TRAPPC9: variants seen among roughly 807,000 people sequenced by gnomAD.
TRAPPC9 encodes trafficking protein particle complex subunit 9.
A neutral mutation model predicts 124.0 loss-of-function variants in TRAPPC9; 83 were observed. The observed-to-expected ratio is 0.67, with a 90% CI of 0.56 to 0.80. TRAPPC9 has a LOEUF of 0.80. Ranked by LOEUF, TRAPPC9 falls within the 30% of genes least tolerant of loss-of-function variation. The pLI, the probability that TRAPPC9 is intolerant of heterozygous loss-of-function variation, is 0.00. For synonymous variants in TRAPPC9, 638 were observed against 617.5 expected, an observed-to-expected ratio of 1.03 and a Z score of -0.49; for missense variants, 1,302 against 1,508.3, an observed-to-expected ratio of 0.86 and a Z score of 2.27.
chr8:140,217,115 T>C (rs1335023754), intron 17 of TRAPPC9, among the ~76,000 whole-genome samples: 1 of 152,086 alleles, frequency 6.6e-6, no homozygotes, highest in Non-Finnish European at 1.5e-5. Context: ...TGGAGCACAA[T>C]ATACGTTGTG....
chr8:139,838,662 G>A (rs542421513), intron 21 of TRAPPC9, among the ~76,000 whole-genome samples: 3 of 122,256 alleles, frequency 2.5e-5, no homozygotes, highest in Non-Finnish European at 3.7e-5. Flanking sequence ...CTGTGATGAC[G>A]GGTGGGTGGC....
At chr8:139,834,880 G>A (rs908579589) in intron 21 of TRAPPC9, among the ~76,000 whole-genome samples, 8 of 152,184 alleles carry the variant, frequency 5.3e-5, no homozygotes, top group Non-Finnish European at 1.2e-4. Context: ...GTTGCTGGGA[G>A]CCAGCTCTCC....
At chr8:140,219,659 T>C (rs1479952973) in intron 17 of TRAPPC9, among the ~76,000 whole-genome samples, 1 of 152,162 alleles carries the variant, frequency 6.6e-6, no homozygotes, top group African/African-American at 2.4e-5. Flanking sequence ...TCGTGTGGCT[T>C]CCTGCTGTCA....
intron 21 of TRAPPC9, among the ~76,000 whole-genome samples, chr8:139,745,294 A>G (rs894869695): frequency 2.0e-5 from 3 of 152,242 alleles, no homozygotes; most frequent in Non-Finnish European, 4.4e-5. Context: ...CCCCTTCGGA[A>G]GCCAGAGCTT....
intron 15 of TRAPPC9, among the ~76,000 whole-genome samples, chr8:140,271,115 G>A (rs943749823): frequency 6.6e-6 from 1 of 152,198 alleles, no homozygotes; most frequent in Non-Finnish European, 1.5e-5. Context: ...GTAATTTTCT[G>A]TAATTCAATA....
At chr8:140,161,962 T>C (rs1324988737) in intron 17 of TRAPPC9, among the ~76,000 whole-genome samples, 1 of 151,926 alleles carries the variant, frequency 6.6e-6, no homozygotes, top group East Asian at 1.9e-4. Context: ...CAAGCCCGAG[T>C]GTCCGGCAGA....
At chr8:140,429,229 G>A (rs577226639) in intron 4 of TRAPPC9, among the ~76,000 whole-genome samples, 2 of 151,930 alleles carry the variant, frequency 1.3e-5, no homozygotes, top group South Asian at 2.1e-4. Context: ...CTACAGGTGC[G>A]CACCACCACG....
intron 17 of TRAPPC9, among the ~76,000 whole-genome samples, chr8:140,167,140 G>A (rs1190598906): frequency 9.5e-6 from 1 of 105,804 alleles, no homozygotes; most frequent in African/African-American, 3.2e-5. Flanking sequence ...ACAGTTCATA[G>A]CTTTCAAAAA....
In TRAPPC9 at chr8:139,907,143, T is replaced by C. The variant is rs1831412530; in HGVS notation, c.2964+3004A>G. ...CCTAAGAACAAGCAAATCTGTACCATATTTGTCATTAACAGGTGAAGAGTG... is the reference window on the plus strand; with the variant it reads ...CCTAAGAACAAGCAAATCTGTACCACATTTGTCATTAACAGGTGAAGAGTG... On this transcript the variant is annotated intron_variant, in intron 20 of 22. Transcript: ENST00000438773. The surrounding 1 kb of genome is among the most constrained non-coding windows in gnomAD (Gnocchi z 4.7). Among the ~76,000 whole-genome samples the C allele has an allele frequency of 6.6e-6, 1 of 152,136 alleles. No homozygotes were observed. The highest frequency in any genetic ancestry group is 1.5e-5 in the Non-Finnish European group (1 of 68,036).
chr8:140,452,921 T>TAGTAACACATACCTCAAGGTGTCAGCA, intron 1 of TRAPPC9, among the ~76,000 whole-genome samples: 1 of 152,276 alleles, frequency 6.6e-6, no homozygotes, highest in East Asian at 1.9e-4. Flanking sequence ...AAAATGAGGA[T>TAGTAACACATACCTCAAGGTGTCAGCA]AGTAACACAT....
chr8:140,354,518 T>C (rs1471906976), intron 9 of TRAPPC9, among the ~76,000 whole-genome samples: 2 of 152,150 alleles, frequency 1.3e-5, no homozygotes, highest in African/African-American at 2.4e-5. Flanking sequence ...CTTTTGCAAA[T>C]ACTGGAGGGT....
chr8:140,213,610 T>C (rs903827592), intron 17 of TRAPPC9, among the ~76,000 whole-genome samples: 1 of 152,000 alleles, frequency 6.6e-6, no homozygotes, highest in African/African-American at 2.4e-5. Context: ...TTTCTTAAAG[T>C]GAAGCACAAC....
intron 20 of TRAPPC9, among the ~76,000 whole-genome samples, chr8:139,895,672 C>T (rs1265720134): frequency 6.6e-6 from 1 of 152,198 alleles, no homozygotes; most frequent in East Asian, 1.9e-4. Context: ...CACAGCTGCA[C>T]TTGAGTGTGG....
intron 6 of TRAPPC9, among the ~76,000 whole-genome samples, chr8:140,402,718 A>C (rs2069323831): frequency 6.6e-6 from 1 of 152,058 alleles, no homozygotes; most frequent in South Asian, 2.1e-4. Context: ...GAAAGAAAGA[A>C]AGAAACACTC....
In TRAPPC9 at chr8:139,783,395, C is replaced by G. The variant is rs368500820; in HGVS notation, c.3056-51193G>C. Among the ~76,000 whole-genome samples the G allele has an allele frequency of 6.0e-4, 91 of 152,260 alleles. No homozygotes were observed. In the South Asian group the frequency reaches 0.011, roughly 18 times the overall value. On this transcript the variant is annotated intron_variant, in intron 21 of 22. Transcript: ENST00000438773. ...ATTGAAAAGAAAATAAGGAAATATTCTGAAAAGCTTCATTTCATTTGACAA... is the reference window on the plus strand; with the variant it reads ...ATTGAAAAGAAAATAAGGAAATATTGTGAAAAGCTTCATTTCATTTGACAA...
At chr8:140,115,213 T>C (rs1399863622) in intron 17 of TRAPPC9, among the ~76,000 whole-genome samples, 4 of 152,034 alleles carry the variant, frequency 2.6e-5, no homozygotes, top group Non-Finnish European at 5.9e-5. Flanking sequence ...TTAAATCAGG[T>C]CTAGGTTACT....
chr8:140,129,830 G>A (rs777348251), intron 17 of TRAPPC9, among the ~76,000 whole-genome samples: 16 of 152,208 alleles, frequency 1.1e-4, no homozygotes, highest in Non-Finnish European at 1.3e-4. Flanking sequence ...GAGATGGATA[G>A]ACGAATAGAA....
chr8:139,991,987 C>T (rs1587434137), intron 18 of TRAPPC9, among the ~76,000 whole-genome samples: 1 of 152,002 alleles, frequency 6.6e-6, no homozygotes, highest in African/African-American at 2.4e-5. Context: ...TATTATACTC[C>T]TGTGAGGGAA....
At chr8:139,889,366 C>T (rs1830198425) in intron 20 of TRAPPC9, among the ~76,000 whole-genome samples, 1 of 152,122 alleles carries the variant, frequency 6.6e-6, no homozygotes, top group Non-Finnish European at 1.5e-5. Context: ...TCTCGGGAGC[C>T]AGTCCCCAGG....
Sources: allele counts gnomAD v4.1 joint callset (sites outside exome capture counted in the v4.1 genomes callset), GRCh38; gene constraint gnomAD v4.1.1; non-coding constraint Gnocchi (gnomAD v3.1); transcripts MANE v1.5; gene names NCBI Gene and HGNC (gene_info 2026-07-23, HGNC 2026-07-21).